The following TDP1 variants were observed in gnomAD, a reference collection of about 807,000 sequenced individuals.
TDP1 encodes the protein tyr-DNA phosphodiesterase 1.
TDP1 carries 64 observed loss-of-function variants against 81.5 expected under a neutral mutation model. The ratio of observed to expected loss-of-function variants is 0.79; its 90% CI spans 0.64 to 0.97. The LOEUF is 0.97. Among genes scored for constraint, TDP1 ranks in the 50% least tolerant of loss-of-function variants. The probability of loss-of-function intolerance (pLI) is 0.00; values close to 1 mark genes in which losing one functional copy is unlikely to be tolerated. For missense variants in TDP1, 723 were observed against 743.8 expected (o/e 0.97, Z 0.33); for synonymous variants, 256 against 264.3 (o/e 0.97, Z 0.30).
chr14:90,020,509 G>GTCCCTCCCTCCCTCCCTCCCTTCCT (rs1885886473), intron 15 of TDP1, among the ~76,000 whole-genome samples: 1 of 7,686 alleles, frequency 1.3e-4, no homozygotes. Flanking sequence ...CCTCCCTTCC[G>GTCCCTCCCTCCCTCCCTCCCTTCCT]TCCCTCCCTC....
At chr14:90,022,857 G>A (rs1048357544) in intron 15 of TDP1, 1 of 604,126 alleles carries the variant, frequency 1.7e-6, no homozygotes, top group African/African-American at 2.0e-5. Context: ...GAGTTTATAC[G>A]TGCACAGGAG....
At position 90,043,247 on chromosome 14, in the gene TDP1, C is replaced by G. The variant is rs1442404753; in HGVS notation, c.*104C>G. 2 of 1,433,026 alleles carry G rather than the reference C, an allele frequency of 1.4e-6. No individual in the cohort carries two copies. The highest frequency in any genetic ancestry group is 1.4e-5 in the African/African-American group (1 of 71,334). The allele number at this position is 1,433,026 out of a possible 1,614,324, so 88.8% of individuals were successfully genotyped here. A position where few individuals can be genotyped will look rare whatever the true frequency, so the allele number is the denominator to read the frequency against. Reference sequence around the variant, plus strand: ...ACTTCCCTTAAAGTCTTATTTGCACCCTTACAAAATCTTTCCAAAGGTCAC... The same window carrying G: ...ACTTCCCTTAAAGTCTTATTTGCACGCTTACAAAATCTTTCCAAAGGTCAC... On this transcript the variant is annotated 3_prime_UTR_variant, in exon 17 of 17. Transcript: ENST00000335725.
chr14:90,002,602 G>A (rs949563336), intron 14 of TDP1, among the ~76,000 whole-genome samples: 2 of 151,862 alleles, frequency 1.3e-5, no homozygotes, highest in Non-Finnish European at 2.9e-5. Context: ...AGGTGCAGTG[G>A]CTCACACATG....
At chr14:89,988,784 A>G in intron 10 of TDP1, 121 bp from the exon 11 acceptor site, 1 of 1,542,968 alleles carries the variant, frequency 6.5e-7, no homozygotes, top group Non-Finnish European at 8.7e-7. Context: ...ATTGATCACT[A>G]GTATTTTCAG....
At chr14:89,990,345 C>T (rs1896034989) in intron 12 of TDP1, among the ~76,000 whole-genome samples, 1 of 151,996 alleles carries the variant, frequency 6.6e-6, no homozygotes, top group African/African-American at 2.4e-5. Context: ...TTCAGCAGCC[C>T]CGCTAGTTAG....
intron 4 of TDP1, among the ~76,000 whole-genome samples, chr14:89,966,521 A>G (rs1354601615): frequency 6.6e-6 from 1 of 152,220 alleles, no homozygotes; most frequent in Non-Finnish European, 1.5e-5. Flanking sequence ...ACTCTGGTGC[A>G]TAGAGTGGTG....
intron 5 of TDP1, 98 bp downstream of exon 5, chr14:89,967,520 T>C: frequency 9.3e-7 from 1 of 1,072,024 alleles, no homozygotes. Flanking sequence ...ATCTTTTGAG[T>C]TTTTCTTTTG....
chr14:90,001,763 C>G (rs1397356515), intron 14 of TDP1, among the ~76,000 whole-genome samples: 1 of 152,168 alleles, frequency 6.6e-6, no homozygotes, highest in Non-Finnish European at 1.5e-5. Context: ...GAAACTTTTT[C>G]TAGCTCAGCA....
Position 89,980,425 on chromosome 14 carries a change from G to A in TDP1, c.792-115G>A, listed in dbSNP as rs77832211. The A allele has an allele frequency of 2.8e-4, 387 of 1,403,984 alleles. 2 individuals are homozygous for A. The African/African-American group carries it at 4.6e-3, about 17-fold the overall frequency. 87.0% of individuals were successfully genotyped at this position (1,403,984 alleles called of 1,614,324 possible). ...GGGAAGATTATAAATGTTAAGTTTG[G>A]GTAATATGAGAGTTTAAAAAAATTC... On this transcript the variant is annotated intron_variant, in intron 7 of 16. Coordinates refer to ENST00000335725, the MANE Select transcript of TDP1 (RefSeq NM_018319.4).
At chr14:90,034,030 G>A (rs1040818981) in intron 16 of TDP1, among the ~76,000 whole-genome samples, 2 of 152,040 alleles carry the variant, frequency 1.3e-5, no homozygotes, top group African/African-American at 4.8e-5. Flanking sequence ...TTGAGCCACT[G>A]CACTCCAGCC....
At chr14:90,007,255 C>T (rs1380334608) in intron 14 of TDP1, among the ~76,000 whole-genome samples, 2 of 151,998 alleles carry the variant, frequency 1.3e-5, no homozygotes, top group Non-Finnish European at 2.9e-5. Context: ...TTTATTTTTG[C>T]CCTCATTTTT....
intron 14 of TDP1, among the ~76,000 whole-genome samples, chr14:90,014,040 A>T (rs1377411205): frequency 1.3e-5 from 2 of 152,194 alleles, no homozygotes. Context: ...TACAATACTT[A>T]ATATCATTAG....
intron 15 of TDP1, among the ~76,000 whole-genome samples, chr14:90,020,354 TCCTCCCTC>T (rs200030327): frequency 7.0e-5 from 9 of 128,406 alleles, no homozygotes; most frequent in Middle Eastern, 4.0e-3. Context: ...CTTCCTCCCT[TCCTCCCTC>T]CCTCCCTCCC....
chr14:89,976,796 C>G (rs1250195267), intron 7 of TDP1, among the ~76,000 whole-genome samples: 1 of 152,058 alleles, frequency 6.6e-6, no homozygotes, highest in Non-Finnish European at 1.5e-5. Flanking sequence ...CTCTGCCTCC[C>G]CAAGTGTTGG....
chr14:89,996,031 T>C (rs752198041), intron 14 of TDP1, among the ~76,000 whole-genome samples: 1 of 152,226 alleles, frequency 6.6e-6, no homozygotes, highest in Non-Finnish European at 1.5e-5. Flanking sequence ...TGTCAAAGCC[T>C]ATTTATCTTT....
chr14:89,980,311 G>T, intron 7 of TDP1: 2 of 985,370 alleles, frequency 2.0e-6, no homozygotes, highest in African/African-American at 3.5e-5. Flanking sequence ...CACTAGGGTT[G>T]AAAGTTCTTT....
At chr14:89,979,206 TGAAAA>T (rs1894694853) in intron 7 of TDP1, among the ~76,000 whole-genome samples, 1 of 152,128 alleles carries the variant, frequency 6.6e-6, no homozygotes, top group Non-Finnish European at 1.5e-5. Flanking sequence ...ATAATCCTAT[TGAAAA>T]CAACAGGGAG....
intron 14 of TDP1, among the ~76,000 whole-genome samples, chr14:89,996,122 C>T (rs1336744006): frequency 6.6e-6 from 1 of 152,212 alleles, no homozygotes; most frequent in Non-Finnish European, 1.5e-5. Context: ...GAAAGGGTTT[C>T]CTATCTGTTG....
At chr14:90,008,968 CAAAG>C (rs1596627989) in intron 14 of TDP1, among the ~76,000 whole-genome samples, 2 of 152,212 alleles carry the variant, frequency 1.3e-5, no homozygotes, top group East Asian at 3.8e-4. Flanking sequence ...CTTGGCTTCC[CAAAG>C]CACTAGGATT....
Sources: gnomAD v4.1 joint callset for allele counts (sites outside exome capture counted in the v4.1 genomes callset) on GRCh38, gnomAD v4.1.1 for gene constraint, MANE v1.5 for transcripts, NCBI Gene and HGNC (gene_info 2026-07-23, HGNC 2026-07-21) for gene names.